The following GRM3 variants were observed in gnomAD, a reference collection of about 807,000 sequenced individuals.
GRM3 encodes metabotropic glutamate receptor 3.
GRM3 carries 26 observed loss-of-function variants against 70.5 expected under a neutral mutation model. The observed-to-expected ratio is 0.37, with a 90% CI of 0.27 to 0.51. The LOEUF is 0.51. GRM3 is among the 20% of genes least tolerant of loss of function. The pLI, the probability that GRM3 is intolerant of heterozygous loss-of-function variation, is 0.93. For missense variants in GRM3, 859 were observed against 1,123.8 expected (o/e 0.76, Z 3.37); for synonymous variants, 443 against 434.9 (o/e 1.02, Z -0.23).
At position 86,765,332 on chromosome 7, in the gene GRM3, G is replaced by C; in HGVS notation, c.187G>C (p.Asp63His). The change falls in exon 2 of 6, where the codon GAC (aspartate) becomes CAC (histidine). Residue 63 changes from aspartate (D) to histidine (H), a missense_variant. Physicochemically the swap from Asp to His is moderately conservative, Grantham distance 81. Coordinates refer to ENST00000361669, the MANE Select transcript of GRM3 (RefSeq NM_000840.3). ...TGAAGAATGTGGGCGAATCAATGAA[G>C]ACCGAGGGATTCAACGCCTGGAAGC... ...GTEECGRINE[D>H]RGIQRLEAML... The C allele has an allele frequency of 6.2e-7, 1 of 1,613,928 alleles. No homozygotes were observed. The highest frequency in any genetic ancestry group is 8.5e-7 in the Non-Finnish European group (1 of 1,179,888).
At chr7:86,690,875 A>G (rs867758719) in intron 1 of GRM3, among the ~76,000 whole-genome samples, 1 of 152,320 alleles carries the variant, frequency 6.6e-6, no homozygotes, top group Non-Finnish European at 1.5e-5. Flanking sequence ...CATCATGTAT[A>G]AAGAGCATAT....
intron 1 of GRM3, among the ~76,000 whole-genome samples, chr7:86,763,818 G>A (rs1000804046): frequency 6.6e-6 from 1 of 152,090 alleles, no homozygotes; most frequent in African/African-American, 2.4e-5. Flanking sequence ...GAGAAATCAT[G>A]TACTTTTAAA....
chr7:86,789,856 G>A (rs900442638), intron 3 of GRM3, among the ~76,000 whole-genome samples: 1 of 152,110 alleles, frequency 6.6e-6, no homozygotes, highest in Non-Finnish European at 1.5e-5. Context: ...TTCCAGCATT[G>A]GTCAACATGG....
At chr7:86,799,857 G>A (rs542946313) in intron 3 of GRM3, among the ~76,000 whole-genome samples, 9 of 152,286 alleles carry the variant, frequency 5.9e-5, no homozygotes, top group East Asian at 1.9e-4. Context: ...AGTTTTTAAC[G>A]TGAAGGTATG....
intron 1 of GRM3, among the ~76,000 whole-genome samples, chr7:86,755,787 G>C (rs1796332186): frequency 6.6e-6 from 1 of 152,008 alleles, no homozygotes; most frequent in Admixed American, 6.6e-5. Context: ...CCAGCAAACA[G>C]GATATAGGAT....
chr7:86,654,157 G>A (rs979550647), intron 1 of GRM3, among the ~76,000 whole-genome samples: 1 of 152,168 alleles, frequency 6.6e-6, no homozygotes. Context: ...TGGGAAAAAT[G>A]CCGAACAGGA....
chr7:86,680,811 T>G (rs1287269083), intron 1 of GRM3, among the ~76,000 whole-genome samples: 5 of 152,132 alleles, frequency 3.3e-5, no homozygotes, highest in Admixed American at 1.3e-4. Flanking sequence ...AGCTACACTT[T>G]AGCCACCAAG....
At position 86,863,480 on chromosome 7, in the gene GRM3, T is replaced by C. The variant is rs181918197; in HGVS notation, c.2567-802T>C. Among the ~76,000 whole-genome samples, 81 of 152,290 alleles carry C rather than the reference T, an allele frequency of 5.3e-4. No homozygotes were observed. In the East Asian group the frequency reaches 0.013, roughly 24 times the overall value. ...GGAAAGCATCAGCAGGGCCACACCATAACACTGTTGTCACTATTTGTCATT... is the reference window on the plus strand; with the variant it reads ...GGAAAGCATCAGCAGGGCCACACCACAACACTGTTGTCACTATTTGTCATT... On this transcript the variant is annotated intron_variant, in intron 5 of 5. Transcript: ENST00000361669.
At chr7:86,712,540 G>T (rs1252906141) in intron 1 of GRM3, among the ~76,000 whole-genome samples, 1 of 151,840 alleles carries the variant, frequency 6.6e-6, no homozygotes, top group Admixed American at 6.6e-5. Flanking sequence ...ATAGATTATT[G>T]TAAACTATAG....
chr7:86,823,825 G>T (rs570230136), intron 3 of GRM3, among the ~76,000 whole-genome samples: 4 of 152,134 alleles, frequency 2.6e-5, no homozygotes, highest in East Asian at 1.9e-4. Flanking sequence ...CCTAGTGTAG[G>T]CCAGGAGCCA....
At chr7:86,809,719 C>T (rs1562871414) in intron 3 of GRM3, among the ~76,000 whole-genome samples, 1 of 151,948 alleles carries the variant, frequency 6.6e-6, no homozygotes, top group Non-Finnish European at 1.5e-5. Flanking sequence ...GAGGAGACTA[C>T]CCTCCAACAA....
At chr7:86,767,920 G>A (rs1796647197) in intron 2 of GRM3, among the ~76,000 whole-genome samples, 2 of 151,984 alleles carry the variant, frequency 1.3e-5, no homozygotes, top group African/African-American at 4.8e-5. Flanking sequence ...AGTTCTGAAG[G>A]TCAGAAGCCA....
chr7:86,787,556 C>CACAGAG (rs140970752), intron 3 of GRM3, among the ~76,000 whole-genome samples: 1 of 149,926 alleles, frequency 6.7e-6, no homozygotes, highest in Non-Finnish European at 1.5e-5. Context: ...CAGTGGGTGA[C>CACAGAG]AGAGAGAGAG....
chr7:86,729,432 C>T (rs944393340), intron 1 of GRM3, among the ~76,000 whole-genome samples: 1 of 152,146 alleles, frequency 6.6e-6, no homozygotes, highest in African/African-American at 2.4e-5. Context: ...TGACACTGTC[C>T]TATTAATAGC....
chr7:86,722,749 A>AT (rs1795501085), intron 1 of GRM3, among the ~76,000 whole-genome samples: 1 of 151,660 alleles, frequency 6.6e-6, no homozygotes, highest in African/African-American at 2.4e-5. Context: ...TTAAAATATG[A>AT]TAAAAAAAAT....
At chr7:86,790,017 C>T (rs1269833347) in intron 3 of GRM3, among the ~76,000 whole-genome samples, 1 of 152,284 alleles carries the variant, frequency 6.6e-6, no homozygotes, top group South Asian at 2.1e-4. Context: ...CTGCTGTACA[C>T]TCCACATTCA....
intron 1 of GRM3, among the ~76,000 whole-genome samples, chr7:86,736,772 A>G (rs1348998383): frequency 6.6e-6 from 1 of 152,164 alleles, no homozygotes; most frequent in Non-Finnish European, 1.5e-5. Context: ...CTTTGTAAAG[A>G]AGGCTAGGAA....
chr7:86,824,179 A>C (rs1798186145), intron 3 of GRM3, among the ~76,000 whole-genome samples: 4 of 152,196 alleles, frequency 2.6e-5, no homozygotes. Flanking sequence ...GGTTCAGAGA[A>C]TGTTAGATTC....
chr7:86,764,967 TC>T (rs1796565314), intron 1 of GRM3, 38 bp from the exon 2 acceptor site: 1 of 1,399,166 alleles, frequency 7.1e-7, no homozygotes, highest in South Asian at 1.7e-5. Flanking sequence ...ACTGTTGCTT[TC>T]TTTACCATTT....
Sources: allele counts gnomAD v4.1 joint callset (sites outside exome capture counted in the v4.1 genomes callset), GRCh38; gene constraint gnomAD v4.1.1; transcripts MANE v1.5; gene names NCBI Gene and HGNC (gene_info 2026-07-23, HGNC 2026-07-21).